AP3B1: variants seen among roughly 807,000 people sequenced by gnomAD.
AP3B1 encodes the protein adaptor related protein complex 3 subunit beta 1.
In AP3B1, 61 loss-of-function variants were observed where a neutral mutation model predicts 132.5. The observed-to-expected ratio is 0.46, with a 90% CI of 0.37 to 0.57. The LOEUF (loss-of-function observed/expected upper bound fraction) is 0.57. AP3B1 is among the 20% of genes least tolerant of loss of function. The pLI, the probability that AP3B1 is intolerant of heterozygous loss-of-function variation, is 0.00. For synonymous variants in AP3B1, 388 were observed against 438.3 expected, an observed-to-expected ratio of 0.89 and a Z score of 1.43; for missense variants, 1,120 against 1,289.4, an observed-to-expected ratio of 0.87 and a Z score of 2.01.
intron 22 of AP3B1, among the ~76,000 whole-genome samples, chr5:78,077,337 A>G (rs1749806486): frequency 1.3e-5 from 2 of 152,148 alleles, no homozygotes; most frequent in Non-Finnish European, 1.5e-5. Context: ...AATGGGTCAG[A>G]GGTGTGCTGC....
intron 22 of AP3B1, among the ~76,000 whole-genome samples, chr5:78,073,921 C>G (rs1171518569): frequency 6.6e-6 from 1 of 152,132 alleles, no homozygotes; most frequent in Non-Finnish European, 1.5e-5. Flanking sequence ...TCTTGCAGAT[C>G]TGTGTGCATG....
At chr5:78,117,981 G>A (rs1751935577) in intron 17 of AP3B1, among the ~76,000 whole-genome samples, 1 of 152,064 alleles carries the variant, frequency 6.6e-6, no homozygotes, top group Admixed American at 6.5e-5. Context: ...CTATTTTATT[G>A]TAAAGGAGTC....
At chr5:78,004,687 G>A (rs1465164615) in intron 26 of AP3B1, among the ~76,000 whole-genome samples, 5 of 152,150 alleles carry the variant, frequency 3.3e-5, no homozygotes, top group Non-Finnish European at 7.3e-5. Context: ...GTTAGCTAAT[G>A]GGCTATCAAC....
intron 11 of AP3B1, among the ~76,000 whole-genome samples, chr5:78,175,218 G>T (rs1310351706): frequency 1.3e-5 from 2 of 152,168 alleles, no homozygotes; most frequent in Non-Finnish European, 2.9e-5. Context: ...CACCCTCTGG[G>T]GCTGCACCCA....
intron 17 of AP3B1, among the ~76,000 whole-genome samples, chr5:78,125,904 AC>A (rs1282242584): frequency 1.3e-5 from 2 of 152,178 alleles, no homozygotes; most frequent in African/African-American, 4.8e-5. Flanking sequence ...CAGCCAACAA[AC>A]CAATCTATCA....
intron 22 of AP3B1, among the ~76,000 whole-genome samples, chr5:78,047,548 T>C (rs1748393217): frequency 6.6e-6 from 1 of 152,192 alleles, no homozygotes; most frequent in African/African-American, 2.4e-5. Context: ...GATGGGGTTG[T>C]TTGATTTTTT....
rs77777126 is a variant in AP3B1, at chr5:78,156,041, T to G, written c.1473+217A>C. 0.03 allele frequency among the ~76,000 whole-genome samples: 4,588 copies of G among 152,248 alleles called. 232 individuals are homozygous for G. Among genetic ancestry groups the G allele is most frequent in the African/African-American group, 0.1 (4,340 of 41,524 alleles). On this transcript the variant is annotated intron_variant, in intron 14 of 26. Coordinates refer to ENST00000255194, the MANE Select transcript of AP3B1 (RefSeq NM_003664.5). ...TTGATATATAAAACTCACACTGCTA[T>G]CTCCAATTCCAATCTAATACCACGA...
rs1170215351 is a variant in AP3B1, at chr5:78,294,553, A to C, written c.27T>G (p.Asn9Lys). 5.6e-6 allele frequency: 9 copies of C among 1,614,182 alleles called. No individual in the cohort carries two copies. The highest frequency in any genetic ancestry group is 1.7e-5 in the Admixed American group (1 of 60,032). The change falls in exon 1 of 27, where the codon AAT becomes AAG. Residue 9 changes from asparagine to lysine, a missense_variant. Around this residue, in one of 3 missense-constraint regions of AP3B1, gnomAD observed 85 missense variants for 79.9 expected, o/e 1.06. Transcript: ENST00000255194. Reference protein sequence around the residue: MSSNSFPYNEQSGGGEATE... With the variant: MSSNSFPYKEQSGGGEATE... The stretch of plus-strand genomic sequence containing the variant: ...TCGCCTCCCCTCCTCCGGACTGCTC[A>C]TTGTAAGGAAAACTATTGCTGGACA...
chr5:78,014,104 AGT>A (rs1746750267), intron 26 of AP3B1, among the ~76,000 whole-genome samples: 1 of 152,200 alleles, frequency 6.6e-6, no homozygotes, highest in Non-Finnish European at 1.5e-5. Flanking sequence ...CGGAGCTTGC[AGT>A]GAGCCGAGAT....
At chr5:78,059,748 G>A (rs1321270119) in intron 22 of AP3B1, among the ~76,000 whole-genome samples, 1 of 151,890 alleles carries the variant, frequency 6.6e-6, no homozygotes, top group Non-Finnish European at 1.5e-5. Flanking sequence ...GACAGGTGCT[G>A]GCAACAAATG....
Position 78,137,842 on chromosome 5 carries a change from T to C in AP3B1, c.1650+3301A>G, listed in dbSNP as rs181249916. On this transcript the variant is annotated intron_variant, in intron 15 of 26. Transcript: ENST00000255194. ...ATTATTCTTCAAACATACAAATAAATACAATATGCTAAATCTTATAAAAAT... is the reference window on the plus strand; with the variant it reads ...ATTATTCTTCAAACATACAAATAAACACAATATGCTAAATCTTATAAAAAT... Among the ~76,000 whole-genome samples the C allele has an allele frequency of 2.9e-3, 436 of 152,304 alleles. 1 individual carries two copies. Among genetic ancestry groups the C allele is most frequent in the Non-Finnish European group, 3.2e-3 (220 of 68,014 alleles).
At chr5:78,094,050 CAG>C (rs1750660481) in intron 21 of AP3B1, among the ~76,000 whole-genome samples, 2 of 152,314 alleles carry the variant, frequency 1.3e-5, no homozygotes, top group South Asian at 4.1e-4. Context: ...TGTTGGCTGA[CAG>C]AGATTTTTTA....
intron 1 of AP3B1, among the ~76,000 whole-genome samples, chr5:78,293,567 AAGCTACTAGCAC>A (rs1217749487): frequency 2.0e-5 from 3 of 152,226 alleles, no homozygotes; most frequent in Non-Finnish European, 4.4e-5. Flanking sequence ...CAGATCTGCA[AAGCTACTAGCAC>A]AGCTATTCTA....
intron 22 of AP3B1, among the ~76,000 whole-genome samples, chr5:78,040,403 A>AT (rs1561368981): frequency 6.6e-6 from 1 of 152,084 alleles, no homozygotes. Flanking sequence ...ATATTGTTTT[A>AT]TTTTTTGTAG....
intron 24 of AP3B1, 88 bp downstream of exon 24, chr5:78,034,271 TCA>T (rs1580262911): frequency 1.3e-5 from 13 of 978,484 alleles, no homozygotes; most frequent in African/African-American, 3.2e-5. Context: ...GTTTTGTCTT[TCA>T]CACACACACA....
At chr5:78,135,047 C>T (rs1437772972) in intron 15 of AP3B1, among the ~76,000 whole-genome samples, 1 of 152,146 alleles carries the variant, frequency 6.6e-6, no homozygotes, top group Non-Finnish European at 1.5e-5. Context: ...GTGTCCAAGT[C>T]TCCTTTTGTT....
At chr5:78,135,635 C>T (rs1561431689) in intron 15 of AP3B1, among the ~76,000 whole-genome samples, 1 of 152,098 alleles carries the variant, frequency 6.6e-6, no homozygotes, top group African/African-American at 2.4e-5. Flanking sequence ...CTATTATGTA[C>T]TTTTCCATAG....
intron 14 of AP3B1, among the ~76,000 whole-genome samples, chr5:78,143,720 T>C (rs553326754): frequency 6.6e-6 from 1 of 152,128 alleles, no homozygotes; most frequent in Non-Finnish European, 1.5e-5. Flanking sequence ...AGAAAATTAG[T>C]CACTTTTTAG....
chr5:78,229,575 C>CAAAAA (rs70997973), intron 3 of AP3B1, among the ~76,000 whole-genome samples: 1 of 134,338 alleles, frequency 7.4e-6, no homozygotes, highest in Non-Finnish European at 1.6e-5. Context: ...TCTAGTAAAA[C>CAAAAA]AAAAAAAAAA....
Sources: allele counts gnomAD v4.1 joint callset (sites outside exome capture counted in the v4.1 genomes callset), GRCh38; gene constraint gnomAD v4.1.1; regional missense constraint gnomAD v4.1.1; transcripts MANE v1.5; gene names NCBI Gene and HGNC (gene_info 2026-07-23, HGNC 2026-07-21).